The following CFAP299 variants were observed in gnomAD, a reference collection of about 807,000 sequenced individuals.
The protein encoded by CFAP299 is cilia- and flagella-associated protein 299.
In CFAP299, 21 loss-of-function variants were observed where a neutral mutation model predicts 27.0. That is an observed-to-expected ratio of 0.78 (90% CI 0.55 to 1.12). The LOEUF is 1.12. CFAP299 is among the 50% of genes most tolerant of loss of function. The pLI, the probability that CFAP299 is intolerant of heterozygous loss-of-function variation, is 0.00. For synonymous variants in CFAP299, 104 were observed against 98.1 expected (o/e 1.06, Z -0.36); for missense variants, 310 against 276.6 (o/e 1.12, Z -0.86).
intron 3 of CFAP299, among the ~76,000 whole-genome samples, chr4:80,800,855 A>T (rs1159314847): frequency 6.8e-6 from 1 of 148,122 alleles, no homozygotes; most frequent in Admixed American, 7.1e-5. Flanking sequence ...GCCATCTGCA[A>T]GCTGAGAGCT....
chr4:80,784,798 C>T (rs148396231), intron 3 of CFAP299, among the ~76,000 whole-genome samples: 120 of 152,298 alleles, frequency 7.9e-4, no homozygotes, highest in African/African-American at 2.6e-3. Flanking sequence ...GCTGGGATTA[C>T]AGGCATGAGC....
At chr4:80,696,674 A>T (rs1473211891) in intron 3 of CFAP299, among the ~76,000 whole-genome samples, 1 of 152,216 alleles carries the variant, frequency 6.6e-6, no homozygotes, top group Non-Finnish European at 1.5e-5. Flanking sequence ...TGTTTAATAA[A>T]GAGTGAGGGG....
intron 3 of CFAP299, among the ~76,000 whole-genome samples, chr4:80,714,241 A>T (rs1428980359): frequency 6.6e-6 from 1 of 152,110 alleles, no homozygotes; most frequent in African/African-American, 2.4e-5. Context: ...AGAGGAAAAG[A>T]GAGAGAAGCT....
At chr4:80,435,926 A>G (rs186457597) in intron 2 of CFAP299, among the ~76,000 whole-genome samples, 4 of 152,332 alleles carry the variant, frequency 2.6e-5, no homozygotes, top group Admixed American at 2.0e-4. Flanking sequence ...TTGTCAAACC[A>G]TGAGGCCCCA....
chr4:80,832,278 T>C (rs556745775), intron 3 of CFAP299, among the ~76,000 whole-genome samples: 3 of 152,270 alleles, frequency 2.0e-5, no homozygotes, highest in Admixed American at 2.0e-4. Flanking sequence ...ACGGTGCCAT[T>C]GATCAGAGGT....
chr4:80,482,326 T>G lies in CFAP299; in HGVS notation c.243-100767T>G, dbSNP rs939064452. Among the ~76,000 whole-genome samples the G allele has an allele frequency of 6.6e-5, 10 of 152,230 alleles. No individual in the cohort carries two copies. The East Asian group carries it at 1.9e-3, about 29-fold the overall frequency. ...AGTGAAATATTGTCACTTTTGTCTA[T>G]CATTTATTTAATAACATCACCCATA... On this transcript the variant is annotated intron_variant, in intron 2 of 5. Coordinates refer to ENST00000358105, the MANE Select transcript of CFAP299 (RefSeq NM_152770.3).
At chr4:80,478,702 CAGGA>C (rs1730405654) in intron 2 of CFAP299, among the ~76,000 whole-genome samples, 1 of 151,466 alleles carries the variant, frequency 6.6e-6, no homozygotes, top group African/African-American at 2.4e-5. Context: ...ATGTTTCTAA[CAGGA>C]AAGTTTGACT....
intron 3 of CFAP299, among the ~76,000 whole-genome samples, chr4:80,812,192 T>G (rs776997782): frequency 6.6e-6 from 1 of 152,266 alleles, no homozygotes; most frequent in Non-Finnish European, 1.5e-5. Flanking sequence ...GGTTGACCAA[T>G]GAATCACAGC....
chr4:80,515,364 G>C (rs1424990914), intron 2 of CFAP299, among the ~76,000 whole-genome samples: 1 of 152,094 alleles, frequency 6.6e-6, no homozygotes, highest in Non-Finnish European at 1.5e-5. Flanking sequence ...TATTATCCAA[G>C]CTGGCTGTCT....
intron 3 of CFAP299, among the ~76,000 whole-genome samples, chr4:80,694,803 G>A (rs1720984710): frequency 6.6e-6 from 1 of 152,140 alleles, no homozygotes; most frequent in Non-Finnish European, 1.5e-5. Context: ...TGTTTTTGAT[G>A]TGTATTGAAT....
At chr4:80,658,459 C>T (rs1026647537) in intron 3 of CFAP299, among the ~76,000 whole-genome samples, 5 of 152,042 alleles carry the variant, frequency 3.3e-5, no homozygotes, top group Non-Finnish European at 4.4e-5. Flanking sequence ...TGAATTTTTT[C>T]GAAGGTCTTT....
intron 3 of CFAP299, among the ~76,000 whole-genome samples, chr4:80,811,377 T>C (rs1227363032): frequency 6.6e-6 from 1 of 152,176 alleles, no homozygotes. Flanking sequence ...AATTTGCTTC[T>C]CACATTAATT....
chr4:80,792,425 C>T (rs1304493337), intron 3 of CFAP299, among the ~76,000 whole-genome samples: 1 of 151,884 alleles, frequency 6.6e-6, no homozygotes, highest in African/African-American at 2.4e-5. Flanking sequence ...AAACATCCCT[C>T]CCAGAGATAG....
At chr4:80,651,114 ATTTATACAGGTGCC>A (rs1428040217) in intron 3 of CFAP299, among the ~76,000 whole-genome samples, 1 of 151,924 alleles carries the variant, frequency 6.6e-6, no homozygotes, top group Non-Finnish European at 1.5e-5. Flanking sequence ...TTTTCTGTTA[ATTTATACAGGTGCC>A]TTTTGCCATT....
chr4:80,668,327 A>G (rs1741249095), intron 3 of CFAP299, among the ~76,000 whole-genome samples: 2 of 151,972 alleles, frequency 1.3e-5, no homozygotes, highest in Non-Finnish European at 2.9e-5. Context: ...CTGTTTGTCT[A>G]TTGTTGCCTA....
the CFAP299 span, among the ~76,000 whole-genome samples, chr4:80,321,632 G>T: frequency 6.6e-6 from 1 of 152,194 alleles, no homozygotes; most frequent in Non-Finnish European, 1.5e-5. Flanking sequence ...GGTCATGACA[G>T]TGAATTACAA....
chr4:80,830,888 TAA>T (rs1388663308), intron 3 of CFAP299, among the ~76,000 whole-genome samples: 5 of 152,140 alleles, frequency 3.3e-5, no homozygotes, highest in African/African-American at 1.2e-4. Flanking sequence ...AGCTGACTTG[TAA>T]AAAGGCTGAT....
intron 2 of CFAP299, among the ~76,000 whole-genome samples, chr4:80,392,343 A>G (rs1725529038): frequency 6.6e-6 from 1 of 152,206 alleles, no homozygotes; most frequent in African/African-American, 2.4e-5. Flanking sequence ...ATGTGAGGAC[A>G]TGAGATTTGC....
intron 3 of CFAP299, among the ~76,000 whole-genome samples, chr4:80,737,293 C>G (rs1459587920): frequency 6.6e-6 from 1 of 150,768 alleles, no homozygotes; most frequent in Non-Finnish European, 1.5e-5. Context: ...CGCACATGTA[C>G]CCTAAAACTT....
Sources: allele counts gnomAD v4.1 joint callset (sites outside exome capture counted in the v4.1 genomes callset), GRCh38; gene constraint gnomAD v4.1.1; transcripts MANE v1.5; gene names NCBI Gene and HGNC (gene_info 2026-07-23, HGNC 2026-07-21).